Variants in RARB observed in about 807,000 individuals in gnomAD.
RARB encodes the protein HBV-activated protein.
RARB carries 17 observed loss-of-function variants against 51.9 expected under a neutral mutation model. The ratio of observed to expected loss-of-function variants is 0.33; its 90% CI spans 0.22 to 0.49. The LOEUF (loss-of-function observed/expected upper bound fraction) is 0.49. RARB is among the 20% of genes least tolerant of loss of function. The pLI, the probability that RARB is intolerant of heterozygous loss-of-function variation, is 0.99. For synonymous variants in RARB, 215 were observed against 195.4 expected, an observed-to-expected ratio of 1.10 and a Z score of -0.84; for missense variants, 369 against 550.8, an observed-to-expected ratio of 0.67 and a Z score of 3.30.
chr3:25,146,650 G>A (rs545377680), intron 4 of RARB, among the ~76,000 whole-genome samples: 21 of 151,834 alleles, frequency 1.4e-4, no homozygotes, highest in South Asian at 4.2e-4. Context: ...TGGGACTAGC[G>A]CCTGCCACCG....
At chr3:25,242,972 C>G (rs1023122235) in intron 5 of RARB, among the ~76,000 whole-genome samples, 3 of 152,132 alleles carry the variant, frequency 2.0e-5, no homozygotes, top group Non-Finnish European at 2.9e-5. Flanking sequence ...TTTGTGTCCT[C>G]TCTTATTTTC....
chr3:24,892,416 T>C (rs558754578), intron 2 of RARB, among the ~76,000 whole-genome samples: 2 of 152,184 alleles, frequency 1.3e-5, no homozygotes, highest in South Asian at 4.1e-4. Context: ...CTCAGTTGTT[T>C]GCACCAAGCA....
chr3:24,873,663 C>G (rs886989312), intron 2 of RARB, among the ~76,000 whole-genome samples: 2 of 150,388 alleles, frequency 1.3e-5, no homozygotes, highest in African/African-American at 2.4e-5. Flanking sequence ...ATCAGTCTTC[C>G]CTTTTTTTTT....
chr3:25,095,780 T>C (rs1699282704), intron 3 of RARB, among the ~76,000 whole-genome samples: 1 of 152,184 alleles, frequency 6.6e-6, no homozygotes, highest in Admixed American at 6.5e-5. Context: ...AGAAGAATGA[T>C]AGAAATAAGT....
intron 3 of RARB, among the ~76,000 whole-genome samples, chr3:25,523,765 C>A (rs1279873367): frequency 6.6e-6 from 1 of 152,212 alleles, no homozygotes; most frequent in Non-Finnish European, 1.5e-5. Context: ...AATCAGCCCT[C>A]ACTCACACTT....
chr3:25,524,864 A>C (rs1438300095), intron 3 of RARB, among the ~76,000 whole-genome samples: 1 of 151,760 alleles, frequency 6.6e-6, no homozygotes, highest in Non-Finnish European at 1.5e-5. Context: ...TGAGTAGCTG[A>C]GATTACAGGT....
intron 3 of RARB, among the ~76,000 whole-genome samples, chr3:25,105,380 C>G (rs1198870644): frequency 7.8e-6 from 1 of 128,454 alleles, no homozygotes; most frequent in Admixed American, 8.4e-5. Flanking sequence ...AAATTCATAA[C>G]AGGTATAAAA....
At chr3:25,497,608 A>G (rs1335311595) in intron 2 of RARB, among the ~76,000 whole-genome samples, 2 of 152,206 alleles carry the variant, frequency 1.3e-5, no homozygotes, top group Non-Finnish European at 2.9e-5. Flanking sequence ...TCAGGGGAAG[A>G]GAGAGCTTAG....
chr3:24,983,604 A>T (rs1223017697), intron 2 of RARB, among the ~76,000 whole-genome samples: 1 of 151,698 alleles, frequency 6.6e-6, no homozygotes, highest in African/African-American at 2.4e-5. Context: ...TCGTTGTTCA[A>T]CCCCCACTTA....
At chr3:25,156,315 C>T (rs1319545657) in intron 4 of RARB, among the ~76,000 whole-genome samples, 1 of 152,096 alleles carries the variant, frequency 6.6e-6, no homozygotes, top group African/African-American at 2.4e-5. Flanking sequence ...CAGCCCATTT[C>T]TATGCCAATG....
At chr3:24,901,758 T>G (rs1285045111) in intron 2 of RARB, among the ~76,000 whole-genome samples, 1 of 152,182 alleles carries the variant, frequency 6.6e-6, no homozygotes, top group South Asian at 2.1e-4. Context: ...CTTTGCTGAC[T>G]AGGGGGATTC....
intron 5 of RARB, among the ~76,000 whole-genome samples, chr3:25,332,587 C>G (rs1213098693): frequency 6.6e-6 from 1 of 152,172 alleles, no homozygotes; most frequent in Non-Finnish European, 1.5e-5. Flanking sequence ...TGGACAAAAA[C>G]TGGAAGCATT....
At chr3:25,300,648 G>C (rs566168076) in intron 5 of RARB, among the ~76,000 whole-genome samples, 1 of 152,120 alleles carries the variant, frequency 6.6e-6, no homozygotes, top group South Asian at 2.1e-4. Flanking sequence ...AGCTAGGACT[G>C]TATGTATCCC....
At chr3:25,037,554 A>G (rs1326810918) in intron 2 of RARB, among the ~76,000 whole-genome samples, 1 of 152,130 alleles carries the variant, frequency 6.6e-6, no homozygotes, top group Non-Finnish European at 1.5e-5. Flanking sequence ...GAAAGGAACT[A>G]AGTATGTGTC....
chr3:25,106,015 T>G (rs867420603), intron 3 of RARB, among the ~76,000 whole-genome samples: 5 of 152,156 alleles, frequency 3.3e-5, no homozygotes, highest in Admixed American at 6.5e-5. Context: ...TAGACTGCAG[T>G]AGCTACCCCA....
At chr3:25,112,703 A>G (rs920189280) in intron 3 of RARB, among the ~76,000 whole-genome samples, 8 of 152,152 alleles carry the variant, frequency 5.3e-5, no homozygotes, top group Admixed American at 5.2e-4. Context: ...ACTTGAGTCC[A>G]GGAGTTCTAG....
At chr3:25,074,592 T>C (rs922720458) in intron 3 of RARB, among the ~76,000 whole-genome samples, 1 of 152,170 alleles carries the variant, frequency 6.6e-6, no homozygotes, top group African/African-American at 2.4e-5. Flanking sequence ...AAGTTACATA[T>C]CTGTAGCTTT....
At chr3:24,847,245 G>A (rs1702496514) in intron 1 of RARB, among the ~76,000 whole-genome samples, 1 of 152,206 alleles carries the variant, frequency 6.6e-6, no homozygotes, top group Admixed American at 6.5e-5. Context: ...AAGAGCAGCT[G>A]TCCCTGGCTT....
At chr3:25,575,682 A>T (rs1700898999) in intron 4 of RARB, among the ~76,000 whole-genome samples, 1 of 150,854 alleles carries the variant, frequency 6.6e-6, no homozygotes, top group Non-Finnish European at 1.5e-5. Context: ...AGATTTCCAC[A>T]TTTTTTTTTA....
Sources: gnomAD v4.1 joint callset for allele counts (sites outside exome capture counted in the v4.1 genomes callset) on GRCh38, gnomAD v4.1.1 for gene constraint, MANE v1.5 for transcripts, NCBI Gene and HGNC (gene_info 2026-07-23, HGNC 2026-07-21) for gene names.